ABTB3: variants seen among roughly 807,000 people sequenced by gnomAD.
ABTB3 encodes ankyrin repeat- and BTB/POZ domain-containing protein 3.
the ABTB3 span, among the ~76,000 whole-genome samples, chr12:107,481,453 A>C: frequency 6.6e-6 from 1 of 151,956 alleles, no homozygotes; most frequent in South Asian, 2.1e-4. Flanking sequence ...GGAATTTAGG[A>C]CTTGGGTCAC....
At chr12:107,488,868 G>A in the ABTB3 span, among the ~76,000 whole-genome samples, 6 of 152,038 alleles carry the variant, frequency 3.9e-5, no homozygotes, top group Admixed American at 2.0e-4. Context: ...AACAGTGTGT[G>A]TAGATGTTGA....
chr12:107,377,414 A>AGTGTGTGTGTGTGTGT, the ABTB3 span, among the ~76,000 whole-genome samples: 7 of 146,502 alleles, frequency 4.8e-5, no homozygotes, highest in Non-Finnish European at 1.1e-4. Context: ...AGAGAGCAAG[A>AGTGTGTGTGTGTGTGT]GTGTGTGTGT....
At chr12:107,411,024 G>A in the ABTB3 span, among the ~76,000 whole-genome samples, 1 of 152,122 alleles carries the variant, frequency 6.6e-6, no homozygotes, top group Non-Finnish European at 1.5e-5. Flanking sequence ...TTGAGGTCAG[G>A]CTTGGTGGCT....
At chr12:107,543,922 C>T in the ABTB3 span, 1 of 1,603,934 alleles carries the variant, frequency 6.2e-7, no homozygotes, top group Non-Finnish European at 8.5e-7. Context: ...TGAAATCTTC[C>T]TTCTGTCCAC....
chr12:107,330,182 G>A, the ABTB3 span, among the ~76,000 whole-genome samples: 63 of 152,320 alleles, frequency 4.1e-4, no homozygotes, highest in Non-Finnish European at 7.1e-4. Flanking sequence ...AGAGGGTAGG[G>A]AGGGAGCCTG....
the ABTB3 span, among the ~76,000 whole-genome samples, chr12:107,462,425 G>A: frequency 1.3e-5 from 2 of 152,184 alleles, no homozygotes; most frequent in Non-Finnish European, 1.5e-5. Flanking sequence ...CCCTTCTGTG[G>A]GCCACATTGT....
the ABTB3 span, among the ~76,000 whole-genome samples, chr12:107,356,980 C>G: frequency 3.3e-5 from 5 of 152,214 alleles, no homozygotes. Context: ...AAAATCAGCT[C>G]AACACCTACT....
chr12:107,485,603 C>T, the ABTB3 span, among the ~76,000 whole-genome samples: 2 of 152,070 alleles, frequency 1.3e-5, no homozygotes, highest in South Asian at 4.2e-4. Context: ...AATGAATAAC[C>T]CCAACCTTGT....
the ABTB3 span, among the ~76,000 whole-genome samples, chr12:107,407,561 C>G: frequency 0.16 from 24,732 of 152,096 alleles, 3,932 homozygotes; most frequent in East Asian, 0.42. Context: ...GCCTCGTCAG[C>G]CTTGAGCTGG....
the ABTB3 span, among the ~76,000 whole-genome samples, chr12:107,327,047 G>C: frequency 1.3e-5 from 2 of 152,092 alleles, no homozygotes; most frequent in Admixed American, 1.3e-4. Flanking sequence ...GGCCTTCTTG[G>C]GGGCTCTAAA....
At chr12:107,339,230 C>T in the ABTB3 span, among the ~76,000 whole-genome samples, 10 of 152,222 alleles carry the variant, frequency 6.6e-5, no homozygotes, top group South Asian at 4.1e-4. Context: ...TGGCCCAGCC[C>T]GATCAAGCTC....
the ABTB3 span, among the ~76,000 whole-genome samples, chr12:107,598,468 T>G: frequency 6.6e-6 from 1 of 152,228 alleles, no homozygotes; most frequent in East Asian, 1.9e-4. Flanking sequence ...TAAGTGGCCC[T>G]GTACCCAGCC....
chr12:107,614,248 AGT>A, the ABTB3 span, among the ~76,000 whole-genome samples: 1 of 151,878 alleles, frequency 6.6e-6, no homozygotes, highest in Non-Finnish European at 1.5e-5. Flanking sequence ...CTTGGCCTGG[AGT>A]GTTTTTAGGC....
At chr12:107,524,787 T>C in the ABTB3 span, among the ~76,000 whole-genome samples, 1 of 152,172 alleles carries the variant, frequency 6.6e-6, no homozygotes, top group African/African-American at 2.4e-5. Flanking sequence ...CCAGAAGATA[T>C]TTCCACTCAG....
chr12:107,445,306 G>C, the ABTB3 span, among the ~76,000 whole-genome samples: 1 of 152,290 alleles, frequency 6.6e-6, no homozygotes. Context: ...GCAGTTTACA[G>C]TCTAAATTCA....
the ABTB3 span, among the ~76,000 whole-genome samples, chr12:107,614,548 T>G: frequency 1.3e-5 from 2 of 152,124 alleles, no homozygotes; most frequent in Non-Finnish European, 2.9e-5. Context: ...TGGCATCTCA[T>G]GCTCTCTGAC....
At chr12:107,617,795 C>T in the ABTB3 span, 161 of 362,706 alleles carry the variant, frequency 4.4e-4, no homozygotes, top group Non-Finnish European at 6.6e-4. Flanking sequence ...CCTTCTACAT[C>T]TCCTTCTGAA....
chr12:107,434,930 A>G, the ABTB3 span, among the ~76,000 whole-genome samples: 2 of 152,158 alleles, frequency 1.3e-5, no homozygotes, highest in African/African-American at 2.4e-5. Context: ...GGAGGAGACA[A>G]TAATTAATTC....
chr12:107,641,821 TA>T, the ABTB3 span, among the ~76,000 whole-genome samples: 1 of 152,250 alleles, frequency 6.6e-6, no homozygotes, highest in Non-Finnish European at 1.5e-5. Flanking sequence ...GGACAGGGTT[TA>T]ACAGGCACTC....
Sources: gnomAD v4.1 joint callset for allele counts (sites outside exome capture counted in the v4.1 genomes callset) on GRCh38, gnomAD v4.1.1 for gene constraint, MANE v1.5 for transcripts, NCBI Gene and HGNC (gene_info 2026-07-23, HGNC 2026-07-21) for gene names.